TTC29: variants seen among roughly 807,000 people sequenced by gnomAD.
TTC29 encodes tetratricopeptide repeat protein 29.
Under a neutral mutation model 58.1 loss-of-function variants are expected in TTC29, and 49 were observed. The observed-to-expected ratio is 0.84, with a 90% confidence interval of 0.67 to 1.07. The LOEUF is 1.07. Ranked by LOEUF, TTC29 falls within the 50% of genes least tolerant of loss-of-function variation. The pLI, the probability that TTC29 is intolerant of heterozygous loss-of-function variation, is 0.00. For missense variants in TTC29, 582 were observed against 555.6 expected, an observed-to-expected ratio of 1.05 and a Z score of -0.48; for synonymous variants, 209 against 196.8, an observed-to-expected ratio of 1.06 and a Z score of -0.52.
chr4:146,827,813 CA>C (rs772370024), intron 9 of TTC29, among the ~76,000 whole-genome samples: 78 of 152,300 alleles, frequency 5.1e-4, no homozygotes, highest in African/African-American at 1.5e-3. Context: ...TTGTCTACCA[CA>C]AGCCAAGAGG....
intron 10 of TTC29, among the ~76,000 whole-genome samples, chr4:146,805,764 G>C (rs555894431): frequency 7.8e-4 from 118 of 152,044 alleles, no homozygotes; most frequent in Non-Finnish European, 1.6e-4. Flanking sequence ...CATTTGATTG[G>C]TGTACCTGAA....
chr4:146,922,336 AATAAAATG>A (rs1734650643), intron 4 of TTC29, among the ~76,000 whole-genome samples: 2 of 151,630 alleles, frequency 1.3e-5, no homozygotes, highest in East Asian at 3.9e-4. Flanking sequence ...ACAGTAAGTT[AATAAAATG>A]ATAAAAGAGA....
intron 10 of TTC29, among the ~76,000 whole-genome samples, chr4:146,819,751 C>T (rs111635259): frequency 6.6e-6 from 1 of 152,152 alleles, no homozygotes; most frequent in African/African-American, 2.4e-5. Context: ...GAATTTGGAG[C>T]GAGAGAGATG....
intron 4 of TTC29, 48 bp from the exon 5 acceptor site, chr4:146,909,297 G>C: frequency 7.3e-7 from 1 of 1,371,352 alleles, no homozygotes; most frequent in Non-Finnish European, 1.0e-6. Flanking sequence ...AATCCTTTCA[G>C]TCTGCACGGT....
intron 9 of TTC29, chr4:146,831,641 C>T (rs1728169693): frequency 2.4e-6 from 1 of 410,000 alleles, no homozygotes; most frequent in Non-Finnish European, 5.0e-6. Flanking sequence ...ATCAGATTAC[C>T]TGGTAGTGCC....
intron 11 of TTC29, among the ~76,000 whole-genome samples, chr4:146,743,766 T>A (rs562449072): frequency 5.8e-4 from 89 of 152,372 alleles, no homozygotes; most frequent in African/African-American, 1.9e-3. Flanking sequence ...GAATTTCATC[T>A]ACATTGTCCC....
intron 6 of TTC29, among the ~76,000 whole-genome samples, chr4:146,894,586 C>T (rs368710951): frequency 1.9e-3 from 281 of 151,550 alleles, no homozygotes; most frequent in South Asian, 4.6e-3. Flanking sequence ...TGTTAAATGA[C>T]GAGTTAATGG....
intron 8 of TTC29, among the ~76,000 whole-genome samples, chr4:146,838,078 T>C (rs1283777517): frequency 2.0e-5 from 3 of 152,024 alleles, no homozygotes; most frequent in Non-Finnish European, 4.4e-5. Flanking sequence ...GTAATGAAGA[T>C]GAAGCTTTAA....
At chr4:146,841,017 C>T (rs968640794) in intron 8 of TTC29, among the ~76,000 whole-genome samples, 2 of 152,148 alleles carry the variant, frequency 1.3e-5, no homozygotes, top group African/African-American at 2.4e-5. Flanking sequence ...AAAGAACAAA[C>T]TTTCAAATGG....
chr4:146,837,893 C>A (rs1728614008), intron 8 of TTC29, among the ~76,000 whole-genome samples: 1 of 151,876 alleles, frequency 6.6e-6, no homozygotes, highest in Non-Finnish European at 1.5e-5. Context: ...ACCAACTTAA[C>A]CTTTGGCAAA....
At chr4:146,871,815 T>C (rs147623793) in intron 7 of TTC29, among the ~76,000 whole-genome samples, 1 of 152,036 alleles carries the variant, frequency 6.6e-6, no homozygotes, top group African/African-American at 2.4e-5. Flanking sequence ...AGTTTGAAGA[T>C]GGCAATATTC....
At chr4:146,720,466 C>T (rs2150004206) in intron 11 of TTC29, among the ~76,000 whole-genome samples, 1 of 152,202 alleles carries the variant, frequency 6.6e-6, no homozygotes, top group African/African-American at 2.4e-5. Context: ...CATCATATCA[C>T]AGAATTTTTA....
intron 6 of TTC29, among the ~76,000 whole-genome samples, chr4:146,897,925 C>A (rs760808848): frequency 6.6e-6 from 1 of 152,122 alleles, no homozygotes; most frequent in Non-Finnish European, 1.5e-5. Flanking sequence ...TGACTATCAG[C>A]AGGAATGACC....
At chr4:146,816,765 C>T (rs1751435522) in intron 10 of TTC29, among the ~76,000 whole-genome samples, 3 of 152,020 alleles carry the variant, frequency 2.0e-5, no homozygotes, top group Admixed American at 2.0e-4. Flanking sequence ...TTTGAAAGCA[C>T]TTACTCTATA....
intron 10 of TTC29, among the ~76,000 whole-genome samples, chr4:146,816,219 C>A (rs1414713213): frequency 1.3e-5 from 2 of 152,122 alleles, no homozygotes; most frequent in African/African-American, 4.8e-5. Flanking sequence ...TTCAAATATA[C>A]AAGTTGATTC....
chr4:146,739,538 C>A (rs1022668395), intron 11 of TTC29, among the ~76,000 whole-genome samples: 2 of 152,088 alleles, frequency 1.3e-5, no homozygotes, highest in East Asian at 3.8e-4. Flanking sequence ...ATTCTGTCAC[C>A]CAATTTACAT....
chr4:146,923,484 C>T (rs966406609), intron 4 of TTC29, among the ~76,000 whole-genome samples: 5 of 151,568 alleles, frequency 3.3e-5, no homozygotes, highest in Admixed American at 3.3e-4. Context: ...TCAACACTCA[C>T]ACATGATTAA....
chr4:146,897,567 G>A (rs942020436), intron 6 of TTC29, among the ~76,000 whole-genome samples: 1 of 152,172 alleles, frequency 6.6e-6, no homozygotes, highest in African/African-American at 2.4e-5. Context: ...AGGGGCTGAT[G>A]TTACATCAAA....
intron 11 of TTC29, among the ~76,000 whole-genome samples, chr4:146,753,793 C>A (rs1037998168): frequency 6.6e-6 from 1 of 151,804 alleles, no homozygotes; most frequent in Non-Finnish European, 1.5e-5. Context: ...TCTCAGCAAA[C>A]TATTGCAAGG....
Sources: gnomAD v4.1 joint callset for allele counts (sites outside exome capture counted in the v4.1 genomes callset) on GRCh38, gnomAD v4.1.1 for gene constraint, MANE v1.5 for transcripts, NCBI Gene and HGNC (gene_info 2026-07-23, HGNC 2026-07-21) for gene names.